The following ACCSL variants were observed in gnomAD, a reference collection of about 807,000 sequenced individuals.
ACCSL encodes the protein probable inactive 1-aminocyclopropane-1-carboxylate synthase-like protein 2.
Under a neutral mutation model 61.7 loss-of-function variants are expected in ACCSL, and 55 were observed. The observed-to-expected ratio is 0.89, with a 90% CI of 0.72 to 1.12. The LOEUF (loss-of-function observed/expected upper bound fraction) is 1.12, where lower values mean the gene tolerates loss of function less well. Ranked by LOEUF, ACCSL falls within the 50% of genes most tolerant of loss-of-function variation. The pLI is 0.00. For synonymous variants in ACCSL, 258 were observed against 264.3 expected (o/e 0.98, Z 0.23); for missense variants, 632 against 698.0 (o/e 0.91, Z 1.07).
At chr11:44,019,398 G>A in the ACCSL span, among the ~76,000 whole-genome samples, 548 of 152,268 alleles carry the variant, frequency 3.6e-3, 2 homozygotes, top group African/African-American at 0.012. Context: ...AACCAGCAGC[G>A]TATGAAGGTT....
the ACCSL span, among the ~76,000 whole-genome samples, chr11:44,021,751 G>T: frequency 6.6e-4 from 100 of 152,206 alleles, no homozygotes; most frequent in African/African-American, 2.3e-3. Context: ...ATGGTTTCAG[G>T]TCTTAGATTT....
At chr11:44,053,755 G>T (rs1307573169) in intron 8 of ACCSL, among the ~76,000 whole-genome samples, 1 of 152,134 alleles carries the variant, frequency 6.6e-6, no homozygotes, top group African/African-American at 2.4e-5. Flanking sequence ...CCAGCTACTT[G>T]GGAGGCTGAG....
chr11:44,033,762 T>TC, the ACCSL span, among the ~76,000 whole-genome samples: 2 of 151,948 alleles, frequency 1.3e-5, no homozygotes, highest in African/African-American at 4.8e-5. Flanking sequence ...AGACCTTGTT[T>TC]GGGGGGAGAG....
At chr11:44,042,906 C>A in the ACCSL span, among the ~76,000 whole-genome samples, 1,031 of 151,946 alleles carry the variant, frequency 6.8e-3, 8 homozygotes, top group Middle Eastern at 0.027. Flanking sequence ...CAAGGTGAGA[C>A]CTGGTCTCTA....
the ACCSL span, among the ~76,000 whole-genome samples, chr11:43,998,064 G>C: frequency 2.0e-5 from 3 of 152,184 alleles, no homozygotes; most frequent in Admixed American, 2.0e-4. Context: ...CACTTTCTGC[G>C]TATCTTTGGG....
At chr11:44,057,196 C>T (rs984648475) in intron 11 of ACCSL, among the ~76,000 whole-genome samples, 3 of 152,194 alleles carry the variant, frequency 2.0e-5, no homozygotes, top group African/African-American at 7.2e-5. Flanking sequence ...GGACTTTCCC[C>T]TTTAAAGCCA....
At chr11:43,942,514 G>A in the ACCSL span, 1 of 233,460 alleles carries the variant, frequency 4.3e-6, no homozygotes, top group Non-Finnish European at 8.7e-6. Context: ...CAGAGCGGCG[G>A]GGCGACGTCA....
the ACCSL span, among the ~76,000 whole-genome samples, chr11:44,038,691 A>AT: frequency 0.055 from 8,331 of 152,222 alleles, 443 homozygotes; most frequent in African/African-American, 0.13. Context: ...CCAAAGCTCT[A>AT]TTTGCCACAC....
the ACCSL span, among the ~76,000 whole-genome samples, chr11:44,020,812 T>C: frequency 6.6e-6 from 1 of 151,530 alleles, no homozygotes; most frequent in Non-Finnish European, 1.5e-5. Flanking sequence ...CCAAAGTCCA[T>C]TGTATCATTC....
At chr11:43,953,275 G>A in the ACCSL span, among the ~76,000 whole-genome samples, 4 of 152,160 alleles carry the variant, frequency 2.6e-5, no homozygotes, top group African/African-American at 9.7e-5. Context: ...AGCACTTTGG[G>A]ATGCCAAGGT....
At chr11:44,027,593 C>G in the ACCSL span, among the ~76,000 whole-genome samples, 26 of 152,120 alleles carry the variant, frequency 1.7e-4, no homozygotes, top group African/African-American at 6.0e-4. Context: ...TTCAGCCCCA[C>G]TGAGGGTTAA....
chr11:43,922,262 C>G, the ACCSL span: 2 of 152,254 alleles, frequency 1.3e-5, no homozygotes, highest in Non-Finnish European at 2.9e-5. Flanking sequence ...GGAAACTGAT[C>G]TCCAAGACGT....
chr11:44,052,572 CT>C (rs1313251034), intron 5 of ACCSL, 89 bp from the exon 6 acceptor site: 16 of 1,103,042 alleles, frequency 1.5e-5, no homozygotes, highest in Admixed American at 2.0e-5. Context: ...GACTTTTTTT[CT>C]GTCGATAGCT....
the ACCSL span, among the ~76,000 whole-genome samples, chr11:44,035,744 C>A: frequency 1.3e-5 from 2 of 151,898 alleles, no homozygotes; most frequent in East Asian, 3.9e-4. Context: ...TTGAGACTAG[C>A]CTGGCCAACA....
the ACCSL span, among the ~76,000 whole-genome samples, chr11:43,949,222 G>A: frequency 0.015 from 2,314 of 152,338 alleles, 54 homozygotes; most frequent in African/African-American, 0.053. Context: ...ACTCCCAGCA[G>A]CTTCCTGGTG....
the ACCSL span, among the ~76,000 whole-genome samples, chr11:44,004,550 T>C: frequency 6.6e-6 from 1 of 152,178 alleles, no homozygotes; most frequent in Non-Finnish European, 1.5e-5. Context: ...GGCATGTACC[T>C]AGCTGTTTTC....
At chr11:44,014,279 T>G in the ACCSL span, among the ~76,000 whole-genome samples, 2 of 152,156 alleles carry the variant, frequency 1.3e-5, no homozygotes, top group Non-Finnish European at 2.9e-5. Context: ...CCCCTTGAGG[T>G]CCAGCTGCGG....
At chr11:43,985,818 C>A in the ACCSL span, among the ~76,000 whole-genome samples, 1 of 152,088 alleles carries the variant, frequency 6.6e-6, no homozygotes, top group Non-Finnish European at 1.5e-5. Flanking sequence ...CGGCGGATCA[C>A]CTGAGGTCAA....
the ACCSL span, among the ~76,000 whole-genome samples, chr11:44,000,511 G>A: frequency 7.1e-6 from 1 of 141,016 alleles, no homozygotes. Context: ...GGGTGACCGA[G>A]TGAGACTCTG....
Sources: gnomAD v4.1 joint callset for allele counts (sites outside exome capture counted in the v4.1 genomes callset) on GRCh38, gnomAD v4.1.1 for gene constraint, MANE v1.5 for transcripts, NCBI Gene and HGNC (gene_info 2026-07-23, HGNC 2026-07-21) for gene names.